The following DNAH10 variants were observed in gnomAD, a reference collection of about 807,000 sequenced individuals.
The protein encoded by DNAH10 is axonemal beta dynein heavy chain 10.
In DNAH10, 348 loss-of-function variants were observed where a neutral mutation model predicts 506.6. That is an observed-to-expected ratio of 0.69 (90% CI 0.63 to 0.75). The LOEUF is 0.75. Ranked by LOEUF, DNAH10 falls within the 30% of genes least tolerant of loss-of-function variation. DNAH10 has a pLI of 0.00. For missense variants in DNAH10, 5,179 were observed against 5,787.1 expected (o/e 0.89, Z 3.41); for synonymous variants, 2,059 against 2,198.6 (o/e 0.94, Z 1.78).
intron 53 of DNAH10, among the ~76,000 whole-genome samples, chr12:123,893,849 C>T (rs1953100297): frequency 6.6e-6 from 1 of 152,140 alleles, no homozygotes; most frequent in African/African-American, 2.4e-5. Flanking sequence ...GGGGAGCATG[C>T]AGTGTAGTAC....
intron 51 of DNAH10, among the ~76,000 whole-genome samples, chr12:123,882,789 CAAAAAAAAAAAA>C (rs59295124): frequency 0.18 from 11,479 of 62,884 alleles, 653 homozygotes; most frequent in Middle Eastern, 0.3. Flanking sequence ...AAGACTCTGT[CAAAAAAAAAAAA>C]AAAAAAAAAA....
intron 1 of DNAH10, among the ~76,000 whole-genome samples, chr12:123,764,571 C>T (rs563673549): frequency 6.6e-5 from 10 of 152,272 alleles, no homozygotes; most frequent in South Asian, 2.1e-4. Flanking sequence ...CCTCTGTTAA[C>T]GGTGGGGTGG....
intron 73 of DNAH10, 70 bp from the exon 74 acceptor site, chr12:123,931,271 T>C: frequency 1.3e-6 from 2 of 1,586,196 alleles, no homozygotes; most frequent in South Asian, 2.3e-5. Flanking sequence ...TTGGAGACTT[T>C]GAGGCTGTGG....
In DNAH10 at chr12:123,928,291, G is replaced by T; in HGVS notation, c.12106-96G>T. On this transcript the variant is annotated intron_variant, in intron 69 of 78. Coordinates refer to ENST00000673944, the MANE Select transcript of DNAH10 (RefSeq NM_001372106.1). The surrounding 1 kb of genome is among the most constrained non-coding windows in gnomAD (Gnocchi z 4.9). ...CTTGCTTTTGGCTTCTGCTGGAGCTGCCATCGCCCTTCTGTGGGTGTGGAG... is the reference window on the plus strand; with the variant it reads ...CTTGCTTTTGGCTTCTGCTGGAGCTTCCATCGCCCTTCTGTGGGTGTGGAG... 7.4e-7 allele frequency: 1 copy of T among 1,359,070 alleles called. No individual in the cohort carries two copies. Among genetic ancestry groups the T allele is most frequent in the Non-Finnish European group, 1.0e-6 (1 of 1,002,938 alleles). 84.2% of individuals were successfully genotyped at this position (1,359,070 alleles called of 1,614,324 possible).
chr12:123,857,714 G>A (rs1335867561), intron 37 of DNAH10, among the ~76,000 whole-genome samples: 1 of 152,222 alleles, frequency 6.6e-6, no homozygotes, highest in Non-Finnish European at 1.5e-5. Context: ...GTGAGAGAGC[G>A]AGACTCCGTC....
chr12:123,907,759 C>T lies in DNAH10; in HGVS notation c.9816-1502C>T, dbSNP rs1276231922. On this transcript the variant is annotated intron_variant, in intron 57 of 78. Transcript: ENST00000673944. This position sits in a 1 kb window ranked among gnomAD's most constrained non-coding sequence, Gnocchi z 4.4. ...CACCTGCTTGTTCACAGAGCGGTGGCCGGGGCCTGGTTTCCATCCACCCTG... is the reference window on the plus strand; with the variant it reads ...CACCTGCTTGTTCACAGAGCGGTGGTCGGGGCCTGGTTTCCATCCACCCTG... 1.3e-5 allele frequency among the ~76,000 whole-genome samples: 2 copies of T among 152,204 alleles called. No homozygotes were observed. The highest frequency in any genetic ancestry group is 4.8e-5 in the African/African-American group (2 of 41,456).
chr12:123,898,088 T>A (rs1177236290), intron 55 of DNAH10, 121 bp downstream of exon 55: 42 of 962,400 alleles, frequency 4.4e-5, no homozygotes, highest in Non-Finnish European at 5.8e-5. Flanking sequence ...ACGAAGCACA[T>A]CTTGGATTTT....
rs200525395 is a variant in DNAH10, at chr12:123,859,259, C to A, written c.6740C>A (p.Ala2247Asp). 5 of 1,603,120 alleles carry A rather than the reference C, an allele frequency of 3.1e-6. No individual in the cohort carries two copies. Among genetic ancestry groups the A allele is most frequent in the Non-Finnish European group, 4.3e-6 (5 of 1,176,022 alleles). ...GTCGTCATTAACACTCTGTGTCAGG[C>A]CCAGACCAAGTGAGTATGACCTCCG... The part of the protein sequence containing the change: ...KSVVINTLCQ[A>D]QTKLGLTTKL... The change falls in exon 38 of 79, where the codon GCC becomes GAC. Residue 2247 changes from alanine to aspartate, a missense_variant. This residue lies in a region of DNAH10 where 4,844 missense variants were observed against 5,430.5 expected (regional missense o/e 0.89). Transcript: ENST00000673944.
chr12:123,830,215 G>A (rs745658824), intron 25 of DNAH10, among the ~76,000 whole-genome samples: 27 of 152,204 alleles, frequency 1.8e-4, no homozygotes, highest in Non-Finnish European at 2.8e-4. Context: ...CAAAAAGGCT[G>A]AGTGATTCAA....
chr12:123,862,112 C>G (rs752535426), intron 39 of DNAH10, among the ~76,000 whole-genome samples: 4 of 152,172 alleles, frequency 2.6e-5, no homozygotes, highest in African/African-American at 4.8e-5. Flanking sequence ...TGTCCTTCTC[C>G]GCATCTCATC....
At chr12:123,915,128 C>T in intron 62 of DNAH10, 129 bp downstream of exon 62, 2 of 1,298,562 alleles carry the variant, frequency 1.5e-6, no homozygotes, top group South Asian at 1.6e-5. Context: ...CATCCTGACC[C>T]CCATGCGGAG....
intron 1 of DNAH10, among the ~76,000 whole-genome samples, chr12:123,764,288 G>A (rs1303742529): frequency 2.0e-5 from 3 of 152,136 alleles, no homozygotes; most frequent in Non-Finnish European, 2.9e-5. Context: ...AGAGGACCAC[G>A]TGATCACGTT....
chr12:123,933,668 C>T (rs1955325802), intron 77 of DNAH10, among the ~76,000 whole-genome samples, 157 bp downstream of exon 77: 1 of 152,258 alleles, frequency 6.6e-6, no homozygotes, highest in Non-Finnish European at 1.5e-5. Context: ...CTCTGCACTG[C>T]CCATGTCTTA....
chr12:123,783,865 G>A, intron 7 of DNAH10, 82 bp from the exon 8 acceptor site: 1 of 1,306,044 alleles, frequency 7.7e-7, no homozygotes, highest in Non-Finnish European at 1.1e-6. Flanking sequence ...TGGACAGAAA[G>A]AACGGATGCT....
At chr12:123,863,424 A>G (rs1951684747) in intron 39 of DNAH10, among the ~76,000 whole-genome samples, 1 of 152,208 alleles carries the variant, frequency 6.6e-6, no homozygotes, top group Non-Finnish European at 1.5e-5. Context: ...GCCATAACAA[A>G]TAACTGGGTG....
intron 39 of DNAH10, among the ~76,000 whole-genome samples, chr12:123,864,304 C>A (rs1951720176): frequency 6.6e-6 from 1 of 151,770 alleles, no homozygotes; most frequent in African/African-American, 2.4e-5. Flanking sequence ...CACCACTATG[C>A]CTGGCTAATT....
At chr12:123,898,022 A>T in intron 55 of DNAH10, 55 bp downstream of exon 55, 1 of 1,454,598 alleles carries the variant, frequency 6.9e-7, no homozygotes, top group Non-Finnish European at 9.1e-7. Context: ...ATGGGTAAGG[A>T]TTCGAGCGCT....
In DNAH10 at chr12:123,873,205, G is replaced by C. The variant is rs544185427; in HGVS notation, c.7786-353G>C. ...AAGTAGTCCTAAGAGATGCCATTAC[G>C]ATCGTCTTACAAGTGAGAAAAACGA... On this transcript the variant is annotated intron_variant, in intron 45 of 78. Coordinates refer to ENST00000673944, the MANE Select transcript of DNAH10 (RefSeq NM_001372106.1). 2.5e-3 allele frequency among the ~76,000 whole-genome samples: 382 copies of C among 152,304 alleles called. 1 individual carries two copies. Among genetic ancestry groups the C allele is most frequent in the South Asian group, 3.9e-3 (19 of 4,826 alleles).
chr12:123,795,146 C>CAAAAAAAAA (rs59542170), intron 12 of DNAH10, among the ~76,000 whole-genome samples: 3 of 112,136 alleles, frequency 2.7e-5, no homozygotes, highest in East Asian at 4.8e-4. Context: ...AACTTCGTCT[C>CAAAAAAAAA]AAAAAAAAAA....
Sources: allele counts gnomAD v4.1 joint callset (sites outside exome capture counted in the v4.1 genomes callset), GRCh38; gene constraint gnomAD v4.1.1; regional missense constraint gnomAD v4.1.1; non-coding constraint Gnocchi (gnomAD v3.1); transcripts MANE v1.5; gene names NCBI Gene and HGNC (gene_info 2026-07-23, HGNC 2026-07-21).